The following PLCXD3 variants were observed in gnomAD, a reference collection of about 807,000 sequenced individuals.
PLCXD3 encodes the protein phosphatidylinositol specific phospholipase C X domain containing 3.
A neutral mutation model predicts 25.5 loss-of-function variants in PLCXD3; 19 were observed. The observed-to-expected ratio is 0.75, with a 90% CI of 0.52 to 1.09. The LOEUF is 1.09. Among genes scored for constraint, PLCXD3 ranks in the 50% least tolerant of loss-of-function variants. The pLI, the probability that PLCXD3 is intolerant of heterozygous loss-of-function variation, is 0.00. For missense variants in PLCXD3, 411 were observed against 388.1 expected (o/e 1.06, Z -0.50); for synonymous variants, 174 against 137.6 (o/e 1.26, Z -1.85).
chr5:41,355,029 T>C (rs1218289931), intron 2 of PLCXD3, among the ~76,000 whole-genome samples: 1 of 152,208 alleles, frequency 6.6e-6, no homozygotes, highest in African/African-American at 2.4e-5. Flanking sequence ...TGTAGTTTTC[T>C]ATGACTAAAG....
In PLCXD3 at chr5:41,375,021, T is replaced by A. The variant is rs1282079084; in HGVS notation, c.812+6805A>T. ...TGCAGCTGAAAAACTTCCAAGAGACTAGACCCATCCCTTCCGGGTACAGGC... is the reference window on the plus strand; with the variant it reads ...TGCAGCTGAAAAACTTCCAAGAGACAAGACCCATCCCTTCCGGGTACAGGC... On this transcript the variant is annotated intron_variant, in intron 2 of 2. Coordinates refer to ENST00000377801, the MANE Select transcript of PLCXD3 (RefSeq NM_001005473.3). Among the ~76,000 whole-genome samples, 4 of 151,984 alleles carry A rather than the reference T, an allele frequency of 2.6e-5. No homozygotes were observed. The East Asian group carries it at 5.8e-4, about 22-fold the overall frequency.
intron 1 of PLCXD3, among the ~76,000 whole-genome samples, chr5:41,443,927 C>T (rs1747441275): frequency 6.6e-6 from 1 of 152,114 alleles, no homozygotes; most frequent in Non-Finnish European, 1.5e-5. Context: ...TAGATACTTT[C>T]CCTGAGCTAT....
chr5:41,380,862 T>C (rs1389855623), intron 2 of PLCXD3, among the ~76,000 whole-genome samples: 1 of 152,152 alleles, frequency 6.6e-6, no homozygotes, highest in African/African-American at 2.4e-5. Flanking sequence ...TACAATTCAG[T>C]ATGTTGTGTC....
chr5:41,316,624 C>G (rs1184770526), intron 2 of PLCXD3, among the ~76,000 whole-genome samples: 1 of 152,086 alleles, frequency 6.6e-6, no homozygotes, highest in Non-Finnish European at 1.5e-5. Flanking sequence ...AGAGGGAGCC[C>G]ACTGCCCTGA....
At chr5:41,355,549 CA>C (rs1744594570) in intron 2 of PLCXD3, among the ~76,000 whole-genome samples, 1 of 152,200 alleles carries the variant, frequency 6.6e-6, no homozygotes, top group Non-Finnish European at 1.5e-5. Flanking sequence ...ATGCTCCATC[CA>C]AGCCCTTTCC....
chr5:41,376,407 C>G (rs552339648), intron 2 of PLCXD3, among the ~76,000 whole-genome samples: 1 of 152,194 alleles, frequency 6.6e-6, no homozygotes, highest in South Asian at 2.1e-4. Flanking sequence ...GTTTCATCCT[C>G]TGAAGTCCAG....
intron 2 of PLCXD3, among the ~76,000 whole-genome samples, chr5:41,373,328 T>G (rs1745183791): frequency 6.6e-6 from 1 of 152,156 alleles, no homozygotes; most frequent in African/African-American, 2.4e-5. Context: ...TTTTGACACA[T>G]AGGACCTAAT....
intron 2 of PLCXD3, among the ~76,000 whole-genome samples, chr5:41,361,412 A>C (rs970543827): frequency 2.6e-5 from 4 of 152,168 alleles, no homozygotes; most frequent in Non-Finnish European, 5.9e-5. Flanking sequence ...TTCTTCATAT[A>C]GTCTGTGGAT....
chr5:41,319,777 G>T (rs1458790864), intron 2 of PLCXD3, among the ~76,000 whole-genome samples: 2 of 151,746 alleles, frequency 1.3e-5, no homozygotes, highest in Non-Finnish European at 2.9e-5. Flanking sequence ...GGTAATAAAT[G>T]CAATTGAAAT....
intron 1 of PLCXD3, among the ~76,000 whole-genome samples, chr5:41,482,806 A>G (rs1748441181): frequency 1.3e-5 from 2 of 152,192 alleles, no homozygotes; most frequent in East Asian, 1.9e-4. Flanking sequence ...CCTCACATTT[A>G]CCATCTTAAC....
chr5:41,463,768 T>C (rs1747947465), intron 1 of PLCXD3, among the ~76,000 whole-genome samples: 1 of 151,926 alleles, frequency 6.6e-6, no homozygotes, highest in African/African-American at 2.4e-5. Context: ...CTATTTTTTT[T>C]AAGCTTCTTT....
In PLCXD3 at chr5:41,331,417, A is replaced by T. The variant is rs1008355447; in HGVS notation, c.813-17647T>A. 2.6e-5 allele frequency among the ~76,000 whole-genome samples: 4 copies of T among 152,222 alleles called. 1 individual carries two copies. Among genetic ancestry groups the T allele is most frequent in the African/African-American group, 9.6e-5 (4 of 41,454 alleles). On this transcript the variant is annotated intron_variant, in intron 2 of 2. Coordinates refer to ENST00000377801, the MANE Select transcript of PLCXD3 (RefSeq NM_001005473.3). The stretch of plus-strand genomic sequence containing the variant: ...GAAGGACCTCTTCAAGGAGAACTAC[A>T]AACCACTGCTCAAGGAAATAAAAGA...
At chr5:41,375,422 G>A (rs1745261590) in intron 2 of PLCXD3, among the ~76,000 whole-genome samples, 1 of 152,078 alleles carries the variant, frequency 6.6e-6, no homozygotes, top group African/African-American at 2.4e-5. Flanking sequence ...TTGACTGGGA[G>A]CCAGGAGTCC....
intron 1 of PLCXD3, among the ~76,000 whole-genome samples, chr5:41,413,837 C>A (rs1466742234): frequency 6.6e-6 from 1 of 152,044 alleles, no homozygotes; most frequent in Admixed American, 6.6e-5. Context: ...AAAATTCTCC[C>A]ATAAGATACA....
chr5:41,381,166 G>T (rs973176561), intron 2 of PLCXD3, among the ~76,000 whole-genome samples: 1 of 152,006 alleles, frequency 6.6e-6, no homozygotes, highest in Non-Finnish European at 1.5e-5. Context: ...CATTTCAAAT[G>T]GAATTAGGGA....
At chr5:41,503,480 C>CA (rs1269915675) in intron 1 of PLCXD3, among the ~76,000 whole-genome samples, 1 of 152,106 alleles carries the variant, frequency 6.6e-6, no homozygotes, top group Admixed American at 6.5e-5. Context: ...CTAACAGATC[C>CA]ATGGGCCATC....
chr5:41,382,326 T>C lies in PLCXD3; in HGVS notation c.312A>G (p.Arg104=). The stretch of plus-strand genomic sequence containing the variant: ...CAAAATAGAGTTCATTGTCGGGGTC[T>C]CTGGGCTTGGTGGAAATTCGAAGAT... The part of the protein sequence containing the change: ...YFDLRISTKP[R]DPDNELYFAH... Residue 104 remains arginine (R), a synonymous_variant, in exon 2 of 3, where the codon AGA becomes AGG. Coordinates refer to ENST00000377801, the MANE Select transcript of PLCXD3 (RefSeq NM_001005473.3). 1 of 1,613,614 alleles carries C rather than the reference T, an allele frequency of 6.2e-7. No individual in the cohort carries two copies. The highest frequency in any genetic ancestry group is 1.1e-5 in the South Asian group (1 of 91,058).
At chr5:41,475,887 GA>G (rs949957906) in intron 1 of PLCXD3, among the ~76,000 whole-genome samples, 10 of 152,352 alleles carry the variant, frequency 6.6e-5, no homozygotes, top group African/African-American at 2.4e-4. Context: ...CCAGGGGAAG[GA>G]AAAGAGAGTT....
chr5:41,324,293 C>T (rs1743558815), intron 2 of PLCXD3, among the ~76,000 whole-genome samples: 1 of 152,132 alleles, frequency 6.6e-6, no homozygotes, highest in South Asian at 2.1e-4. Flanking sequence ...ATGTGCATTT[C>T]CCCAGATCTC....
Sources: gnomAD v4.1 joint callset for allele counts (sites outside exome capture counted in the v4.1 genomes callset) on GRCh38, gnomAD v4.1.1 for gene constraint, MANE v1.5 for transcripts, NCBI Gene and HGNC (gene_info 2026-07-23, HGNC 2026-07-21) for gene names.